RANBP17: variants seen among roughly 807,000 people sequenced by gnomAD.
The protein encoded by RANBP17 is RAN binding protein 17.
A neutral mutation model predicts 141.2 loss-of-function variants in RANBP17; 158 were observed. The ratio of observed to expected loss-of-function variants is 1.12; its 90% CI spans 0.98 to 1.28. RANBP17 has a LOEUF of 1.28. Ranked by LOEUF, RANBP17 falls within the 50% of genes most tolerant of loss-of-function variation. The probability of loss-of-function intolerance (pLI) is 0.00; values close to 1 mark genes in which losing one functional copy is unlikely to be tolerated. For synonymous variants in RANBP17, 430 were observed against 450.0 expected (o/e 0.96, Z 0.56); for missense variants, 1,438 against 1,290.7 (o/e 1.11, Z -1.75).
At chr5:171,057,914 G>C (rs1014800763) in intron 14 of RANBP17, among the ~76,000 whole-genome samples, 3 of 152,022 alleles carry the variant, frequency 2.0e-5, no homozygotes, top group Non-Finnish European at 2.9e-5. Context: ...GGAGATTATG[G>C]GGATTACAAT....
At chr5:170,962,373 T>C (rs781288223) in intron 13 of RANBP17, among the ~76,000 whole-genome samples, 24 of 152,212 alleles carry the variant, frequency 1.6e-4, no homozygotes, top group Middle Eastern at 3.4e-3. Flanking sequence ...CCCAACAAAT[T>C]TTTGTTCCAC....
intron 13 of RANBP17, among the ~76,000 whole-genome samples, chr5:170,956,288 A>G (rs1775688149): frequency 6.6e-6 from 1 of 151,914 alleles, no homozygotes. Flanking sequence ...CCTACTTGTG[A>G]TATTCTCCTT....
At chr5:171,096,179 G>A (rs560220906) in intron 14 of RANBP17, among the ~76,000 whole-genome samples, 8 of 152,232 alleles carry the variant, frequency 5.3e-5, no homozygotes, top group African/African-American at 1.9e-4. Flanking sequence ...GACCCGCACA[G>A]TTCAAACCTG....
chr5:171,279,623 A>G (rs534180933), intron 25 of RANBP17, among the ~76,000 whole-genome samples: 1 of 152,214 alleles, frequency 6.6e-6, no homozygotes, highest in Non-Finnish European at 1.5e-5. Context: ...ATAGTACCTC[A>G]TAATTCTTCC....
intron 22 of RANBP17, among the ~76,000 whole-genome samples, chr5:171,235,166 G>A (rs1164973955): frequency 6.6e-6 from 1 of 152,168 alleles, no homozygotes; most frequent in Non-Finnish European, 1.5e-5. Context: ...CTAAGAGTCA[G>A]CCATTACATT....
chr5:170,960,130 T>C (rs1776026959), intron 13 of RANBP17, among the ~76,000 whole-genome samples: 1 of 152,250 alleles, frequency 6.6e-6, no homozygotes, highest in South Asian at 2.1e-4. Flanking sequence ...GAGTAAGCTT[T>C]GTTTTGCTTA....
intron 12 of RANBP17, among the ~76,000 whole-genome samples, chr5:170,936,023 G>A (rs904157019): frequency 6.6e-6 from 1 of 152,166 alleles, no homozygotes; most frequent in Non-Finnish European, 1.5e-5. Flanking sequence ...CCTCGCTGCC[G>A]CCTTGCAGTT....
At chr5:171,188,894 C>G (rs749632372) in intron 18 of RANBP17, among the ~76,000 whole-genome samples, 11 of 152,064 alleles carry the variant, frequency 7.2e-5, no homozygotes, top group Non-Finnish European at 1.3e-4. Context: ...TTTTGGAAAG[C>G]AAATTTGCTC....
chr5:171,296,045 G>A (rs200952562), intron 27 of RANBP17, 31 bp downstream of exon 27: 66 of 1,598,534 alleles, frequency 4.1e-5, no homozygotes, highest in Non-Finnish European at 3.7e-5. Context: ...TGTCACTGGG[G>A]GAAGTAGACA....
At chr5:170,963,935 A>C (rs147702887) in intron 13 of RANBP17, among the ~76,000 whole-genome samples, 103 of 152,242 alleles carry the variant, frequency 6.8e-4, no homozygotes, top group African/African-American at 2.4e-3. Flanking sequence ...AGCCAAATAG[A>C]AAAAAAATCA....
chr5:170,862,841 C>T (rs1426209259), intron 1 of RANBP17, among the ~76,000 whole-genome samples: 1 of 152,222 alleles, frequency 6.6e-6, no homozygotes, highest in Admixed American at 6.5e-5. Context: ...ATCTTACTAT[C>T]CTCGCCCTCA....
intron 13 of RANBP17, among the ~76,000 whole-genome samples, chr5:170,956,966 A>C (rs1427238417): frequency 6.6e-6 from 1 of 151,482 alleles, no homozygotes; most frequent in Non-Finnish European, 1.5e-5. Flanking sequence ...GCTACTCTGG[A>C]GGCTGAGGCG....
intron 14 of RANBP17, among the ~76,000 whole-genome samples, chr5:171,151,732 G>A (rs540094836): frequency 3.3e-5 from 5 of 152,182 alleles, no homozygotes; most frequent in East Asian, 1.9e-4. Flanking sequence ...AGTGGTAATC[G>A]CCTCCTTCAA....
chr5:171,148,038 T>G (rs923505742), intron 14 of RANBP17, among the ~76,000 whole-genome samples: 1 of 152,196 alleles, frequency 6.6e-6, no homozygotes, highest in African/African-American at 2.4e-5. Flanking sequence ...CATTTTGTTC[T>G]GCACTAAGAA....
At chr5:171,192,454 G>C (rs1426789119) in intron 18 of RANBP17, among the ~76,000 whole-genome samples, 1 of 152,118 alleles carries the variant, frequency 6.6e-6, no homozygotes, top group Admixed American at 6.5e-5. Context: ...TTTGAAAATG[G>C]GTAGCTATAG....
intron 14 of RANBP17, among the ~76,000 whole-genome samples, chr5:171,120,037 C>CA (rs34991479): frequency 0.67 from 67,906 of 100,870 alleles, 22,305 homozygotes; most frequent in South Asian, 0.88. Context: ...AACTTAGTCT[C>CA]AAAAAAAAAA....
At chr5:171,210,715 A>C (rs141284134) in intron 20 of RANBP17, among the ~76,000 whole-genome samples, 1 of 152,092 alleles carries the variant, frequency 6.6e-6, no homozygotes, top group African/African-American at 2.4e-5. Flanking sequence ...ATTAAAAGCT[A>C]TATCTTCCTG....
intron 14 of RANBP17, among the ~76,000 whole-genome samples, chr5:171,165,716 A>G (rs542137600): frequency 6.6e-6 from 1 of 152,344 alleles, no homozygotes; most frequent in African/African-American, 2.4e-5. Context: ...TGCTGAAAAT[A>G]GTGGAGGAAA....
At chr5:170,957,704 TG>T (rs771296487) in intron 13 of RANBP17, among the ~76,000 whole-genome samples, 1 of 152,208 alleles carries the variant, frequency 6.6e-6, no homozygotes, top group African/African-American at 2.4e-5. Context: ...ATTGTTAAAG[TG>T]CTATTTAGTG....
Sources: allele counts gnomAD v4.1 joint callset (sites outside exome capture counted in the v4.1 genomes callset), GRCh38; gene constraint gnomAD v4.1.1; transcripts MANE v1.5; gene names NCBI Gene and HGNC (gene_info 2026-07-23, HGNC 2026-07-21).